The following TRMT9B variants were observed in gnomAD, a reference collection of about 807,000 sequenced individuals.
TRMT9B encodes the protein probable tRNA methyltransferase 9B.
A neutral mutation model predicts 11.5 loss-of-function variants in TRMT9B; 16 were observed. The ratio of observed to expected loss-of-function variants is 1.39; its 90% CI spans 0.94 to 2.11. The LOEUF (loss-of-function observed/expected upper bound fraction) is 2.11, where lower values mean the gene tolerates loss of function less well. TRMT9B is among the 30% of genes most tolerant of loss of function. TRMT9B has a pLI of 0.00. For synonymous variants in TRMT9B, 274 were observed against 192.4 expected (o/e 1.42, Z -3.51); for missense variants, 941 against 553.8 (o/e 1.70, Z -7.02).
At chr8:12,999,298 CAAA>C (rs71207111) in intron 2 of TRMT9B, among the ~76,000 whole-genome samples, 4 of 47,636 alleles carry the variant, frequency 8.4e-5, no homozygotes, top group Non-Finnish European at 9.0e-5. Flanking sequence ...GACTCCATCT[CAAA>C]AAAAAAAAAA....
At position 13,005,082 on chromosome 8, in the gene TRMT9B, T is replaced by C. The variant is rs1218572135; in HGVS notation, c.-1-1120T>C. Among the ~76,000 whole-genome samples the C allele has an allele frequency of 1.3e-4, 18 of 137,234 alleles. No homozygotes were observed. In the South Asian group the frequency reaches 4.0e-3, roughly 30 times the overall value. 90.0% of individuals were successfully genotyped at this position (137,234 alleles called of 152,430 possible). On this transcript the variant is annotated intron_variant, in intron 2 of 4. Coordinates refer to ENST00000524591, the MANE Select transcript of TRMT9B (RefSeq NM_020844.3). ...GCCTGGGCGATACAGCGAGACTGCA[T>C]CTCAAAAAAAAAAAAAAAGAAAAAG...
At chr8:12,994,347 A>T (rs1807946415) in intron 2 of TRMT9B, among the ~76,000 whole-genome samples, 2 of 152,080 alleles carry the variant, frequency 1.3e-5, no homozygotes, top group Admixed American at 1.3e-4. Flanking sequence ...AAAAAATAAA[A>T]CTTTTTTATT....
At chr8:12,991,090 C>A (rs1251337391) in intron 2 of TRMT9B, 59 bp downstream of exon 2, 1 of 822,492 alleles carries the variant, frequency 1.2e-6, no homozygotes, top group Non-Finnish European at 1.6e-6. Context: ...TAGCAATGTG[C>A]ATATTTAGTG....
At chr8:12,993,934 C>T (rs1294871573) in intron 2 of TRMT9B, among the ~76,000 whole-genome samples, 2 of 152,212 alleles carry the variant, frequency 1.3e-5, no homozygotes, top group African/African-American at 4.8e-5. Flanking sequence ...AACTAAACCT[C>T]GGGAAAGTTA....
At chr8:13,019,662 C>G (rs1002209604) in intron 4 of TRMT9B, among the ~76,000 whole-genome samples, 2 of 152,168 alleles carry the variant, frequency 1.3e-5, no homozygotes, top group African/African-American at 4.8e-5. Flanking sequence ...GAGTCTTTCT[C>G]AGTCCTGACT....
In TRMT9B at chr8:13,026,532, G is replaced by C. The variant is rs1326385242; in HGVS notation, c.*4488G>C. The C allele has an allele frequency of 6.0e-6, 1 of 166,926 alleles. No individual in the cohort carries two copies. The highest frequency in any genetic ancestry group is 1.9e-4 in the East Asian group (1 of 5,184). The allele number at this position is 166,926 out of a possible 1,614,324, so 10.3% of individuals were successfully genotyped here. A position where few individuals can be genotyped will look rare whatever the true frequency, so the allele number is the denominator to read the frequency against. On this transcript the variant is annotated 3_prime_UTR_variant, in exon 5 of 5. Coordinates refer to ENST00000524591, the MANE Select transcript of TRMT9B (RefSeq NM_020844.3). ...CTCCTGGTCCCCTGTCCCAGGGGCT[G>C]TTTGTTAAAAAAGAGTAATAAAGGA...
chr8:12,954,894 A>T (rs923568261), intron 1 of TRMT9B, among the ~76,000 whole-genome samples: 2 of 152,224 alleles, frequency 1.3e-5, no homozygotes, highest in African/African-American at 4.8e-5. Context: ...TGGATTAAAA[A>T]GCCCAGCTCT....
intron 1 of TRMT9B, among the ~76,000 whole-genome samples, chr8:12,969,138 T>C (rs1380940158): frequency 6.6e-6 from 1 of 152,060 alleles, no homozygotes; most frequent in East Asian, 1.9e-4. Context: ...GCTTGGAAGG[T>C]GGAGATTGCA....
intron 2 of TRMT9B, among the ~76,000 whole-genome samples, chr8:12,994,009 C>G (rs772723525): frequency 7.9e-5 from 12 of 152,156 alleles, no homozygotes; most frequent in Non-Finnish European, 1.5e-4. Context: ...CTGCTCCAAC[C>G]TCTTGTCAAT....
intron 1 of TRMT9B, among the ~76,000 whole-genome samples, chr8:12,965,763 A>C (rs989061619): frequency 6.6e-6 from 1 of 152,146 alleles, no homozygotes; most frequent in East Asian, 1.9e-4. Flanking sequence ...CTGTAATCCC[A>C]GCATGTGGGG....
At chr8:12,982,779 C>T (rs901205743) in intron 1 of TRMT9B, among the ~76,000 whole-genome samples, 2 of 152,112 alleles carry the variant, frequency 1.3e-5, no homozygotes, top group African/African-American at 4.8e-5. Context: ...TTTTGAGTGA[C>T]CACATGATGC....
intron 1 of TRMT9B, among the ~76,000 whole-genome samples, chr8:12,963,569 G>T (rs1802425608): frequency 6.6e-6 from 1 of 152,220 alleles, no homozygotes; most frequent in African/African-American, 2.4e-5. Context: ...GGGCAACATG[G>T]TGAAACCCCG....
intron 1 of TRMT9B, among the ~76,000 whole-genome samples, chr8:12,948,731 C>T (rs1372395928): frequency 3.9e-5 from 6 of 151,952 alleles, no homozygotes; most frequent in Admixed American, 3.3e-4. Flanking sequence ...GAGGCCAAGG[C>T]GGGTGGATCA....
Position 13,022,237 on chromosome 8 carries a change from C to T in TRMT9B, c.*193C>T, listed in dbSNP as rs984552100. 1 of 524,990 alleles carries T rather than the reference C, an allele frequency of 1.9e-6. No individual in the cohort carries two copies. The highest frequency in any genetic ancestry group is 1.9e-5 in the African/African-American group (1 of 51,346). The allele number at this position is 524,990 out of a possible 1,614,324, so 32.5% of individuals were successfully genotyped here. On this transcript the variant is annotated 3_prime_UTR_variant, in exon 5 of 5. Transcript: ENST00000524591. ...AGATTCTGGCATTGAAAGCACTTGA[C>T]AAAGGGTATTTGTGCTTAAATGTTA...
intron 1 of TRMT9B, chr8:12,952,398 G>T: frequency 6.5e-6 from 2 of 309,620 alleles, no homozygotes; most frequent in Non-Finnish European, 1.3e-5. Flanking sequence ...AGTAGCCCGG[G>T]GTGGCTGTTT....
At position 13,021,173 on chromosome 8, in the gene TRMT9B, G is replaced by A. The variant is rs376672639; in HGVS notation, c.494G>A (p.Cys165Tyr). Residue 165 changes from cysteine to tyrosine, a missense_variant, in exon 5 of 5, where the codon TGT becomes TAT. Transcript: ENST00000524591. ...CTTGTTCCATGGAACAGGGCTCTGT[G>A]TTCCCAGCTCTTCTCAGAGTCCAGC... ...DVLVPWNRAL[C>Y]SQLFSESSQS... The A allele has an allele frequency of 6.2e-6, 10 of 1,613,770 alleles. No individual in the cohort carries two copies. The African/African-American group carries it at 1.3e-4, about 22-fold the overall frequency.
intron 1 of TRMT9B, among the ~76,000 whole-genome samples, chr8:12,964,287 T>C (rs972486268): frequency 5.3e-5 from 8 of 152,222 alleles, no homozygotes; most frequent in Non-Finnish European, 1.0e-4. Context: ...CACATCCTCA[T>C]CTTTCTTGGC....
chr8:13,016,991 G>T (rs568623526), intron 4 of TRMT9B, among the ~76,000 whole-genome samples: 1 of 151,472 alleles, frequency 6.6e-6, no homozygotes, highest in Non-Finnish European at 1.5e-5. Flanking sequence ...GGGCATAGTA[G>T]TGCATGCCTG....
intron 1 of TRMT9B, chr8:12,952,568 TG>T: frequency 2.9e-6 from 1 of 340,950 alleles, no homozygotes; most frequent in Non-Finnish European, 4.2e-6. Flanking sequence ...TATTTTTTCA[TG>T]GAGTGCACGT....
Sources: allele counts gnomAD v4.1 joint callset (sites outside exome capture counted in the v4.1 genomes callset), GRCh38; gene constraint gnomAD v4.1.1; transcripts MANE v1.5; gene names NCBI Gene and HGNC (gene_info 2026-07-23, HGNC 2026-07-21).